Variants in IQGAP1 observed in about 807,000 individuals in gnomAD.
The protein encoded by IQGAP1 is ras GTPase-activating-like protein IQGAP1.
IQGAP1 carries 66 observed loss-of-function variants against 215.6 expected under a neutral mutation model. The observed-to-expected ratio is 0.31, with a 90% CI of 0.25 to 0.38. IQGAP1 has a LOEUF of 0.38. Ranked by LOEUF, IQGAP1 falls within the 10% of genes least tolerant of loss-of-function variation. The pLI, the probability that IQGAP1 is intolerant of heterozygous loss-of-function variation, is 1.00. For synonymous variants in IQGAP1, 772 were observed against 728.7 expected, an observed-to-expected ratio of 1.06 and a Z score of -0.96; for missense variants, 1,712 against 1,997.1, an observed-to-expected ratio of 0.86 and a Z score of 2.72.
At chr15:90,491,312 A>C in intron 33 of IQGAP1, 21 bp from the exon 34 acceptor site, 1 of 1,606,464 alleles carries the variant, frequency 6.2e-7, no homozygotes, top group South Asian at 1.1e-5. Context: ...CTTGCTAAGA[A>C]CTTCTTTTTC....
Position 90,474,141 on chromosome 15 carries a change from A to G in IQGAP1, c.2575+8A>G. The stretch of plus-strand genomic sequence containing the variant: ...ATGACTACAAGACTCTCAGTGAGTA[A>G]CTGGCTCCGCATGAAGAGTTGAGGC... On this transcript the variant is annotated splice_region_variant and intron_variant, in intron 22 of 37. Coordinates refer to ENST00000268182, the MANE Select transcript of IQGAP1 (RefSeq NM_003870.4). 6.2e-7 allele frequency: 1 copy of G among 1,606,432 alleles called. No homozygotes were observed. The highest frequency in any genetic ancestry group is 1.3e-5 in the African/African-American group (1 of 74,590).
chr15:90,487,689 G>T, intron 33 of IQGAP1, 107 bp downstream of exon 33: 1 of 750,776 alleles, frequency 1.3e-6, no homozygotes, highest in Non-Finnish European at 2.2e-6. Flanking sequence ...GTAGCCTAGG[G>T]GTGAGCATGA....
chr15:90,408,312 GT>G (rs1325381377), intron 2 of IQGAP1, among the ~76,000 whole-genome samples: 2 of 152,070 alleles, frequency 1.3e-5, no homozygotes, highest in Non-Finnish European at 2.9e-5. Flanking sequence ...GTAATTTTCT[GT>G]TTTGGTTTTT....
intron 28 of IQGAP1, among the ~76,000 whole-genome samples, chr15:90,482,546 C>T (rs1358329415): frequency 6.6e-6 from 1 of 152,282 alleles, no homozygotes; most frequent in Non-Finnish European, 1.5e-5. Flanking sequence ...CCTATCTTTT[C>T]GCTGTAGTAT....
Position 90,448,710 on chromosome 15 carries a change from C to T in IQGAP1, c.1051C>T (p.Leu351=). Reference sequence around the variant, plus strand: ...TAGCGACTGGTACTTGAAGCAGCTCCTGAGTGATAAACAGCAGAAGAGACA... The same window carrying T: ...TAGCGACTGGTACTTGAAGCAGCTCTTGAGTGATAAACAGCAGAAGAGACA... ...QNSDWYLKQL[L]SDKQQKRQSG... Residue 351 remains leucine (L), a synonymous_variant, in exon 10 of 38, where the codon CTG becomes TTG. Transcript: ENST00000268182. The T allele has an allele frequency of 6.2e-7, 1 of 1,604,268 alleles. No homozygotes were observed. The highest frequency in any genetic ancestry group is 8.5e-7 in the Non-Finnish European group (1 of 1,176,106).
Position 90,454,502 on chromosome 15 carries a change from T to C in IQGAP1, c.1562T>C (p.Ile521Thr), listed in dbSNP as rs1596274660. The C allele has an allele frequency of 1.2e-6, 2 of 1,611,044 alleles. No individual in the cohort carries two copies. The highest frequency in any genetic ancestry group is 8.5e-7 in the Non-Finnish European group (1 of 1,178,852). ...ENNEFITWND[I>T]QACVDHVNLV... ...AATGAATTCATTACATGGAATGATA[T>C]CCAAGCTTGCGTGGACCATGTGAAC... Residue 521 changes from isoleucine (I) to threonine (T), a missense_variant, in exon 14 of 38, where the codon ATC becomes ACC. By Grantham distance (89) the Ile-to-Thr change is moderately conservative. Transcript: ENST00000268182.
chr15:90,487,828 A>G (rs1026026336), intron 33 of IQGAP1, among the ~76,000 whole-genome samples: 2 of 152,120 alleles, frequency 1.3e-5, no homozygotes, highest in African/African-American at 4.8e-5. Flanking sequence ...CATCCCGTAT[A>G]TCCATCCCTT....
chr15:90,443,862 G>A (rs1210629775), intron 9 of IQGAP1, among the ~76,000 whole-genome samples: 2 of 152,006 alleles, frequency 1.3e-5, no homozygotes, highest in Non-Finnish European at 2.9e-5. Flanking sequence ...TCAGAAGTTC[G>A]AGACCAGCCT....
intron 26 of IQGAP1, among the ~76,000 whole-genome samples, chr15:90,478,219 G>A (rs1181877435): frequency 6.6e-6 from 1 of 152,128 alleles, no homozygotes; most frequent in East Asian, 1.9e-4. Context: ...TCGAACTCCT[G>A]ACCTCAGGCA....
At chr15:90,427,664 C>G (rs1965243306) in intron 3 of IQGAP1, among the ~76,000 whole-genome samples, 1 of 152,006 alleles carries the variant, frequency 6.6e-6, no homozygotes, top group Non-Finnish European at 1.5e-5. Flanking sequence ...CACTTGAACC[C>G]AGGAGGCGGG....
chr15:90,487,631 C>G (rs752924350), intron 33 of IQGAP1, 49 bp downstream of exon 33: 30 of 1,246,344 alleles, frequency 2.4e-5, no homozygotes, highest in Non-Finnish European at 3.5e-6. Flanking sequence ...ATAAGCTCTC[C>G]CGATAGGCGC....
In IQGAP1 at chr15:90,491,278, C is replaced by G; in HGVS notation, c.4249-55C>G. The G allele has an allele frequency of 2.8e-6, 4 of 1,451,494 alleles. No individual in the cohort carries two copies. In the South Asian group the frequency reaches 4.6e-5, roughly 17 times the overall value. The allele number at this position is 1,451,494 out of a possible 1,614,324, so 89.9% of individuals were successfully genotyped here. A position where few individuals can be genotyped will look rare whatever the true frequency, so the allele number is the denominator to read the frequency against. On this transcript the variant is annotated intron_variant, in intron 33 of 37. Coordinates refer to ENST00000268182, the MANE Select transcript of IQGAP1 (RefSeq NM_003870.4). ...CAGGTGCAAATGTGCTATATAAATT[C>G]AAGTTTAGGATTAGTGTGGTAAACT... is the stretch of plus-strand genomic sequence containing the variant.
chr15:90,467,022 G>T lies in IQGAP1; in HGVS notation c.2036-428G>T, dbSNP rs1010625263. Among the ~76,000 whole-genome samples the T allele has an allele frequency of 2.0e-5, 3 of 152,290 alleles. No individual in the cohort carries two copies. In the East Asian group the frequency reaches 5.8e-4, roughly 29 times the overall value. On this transcript the variant is annotated intron_variant, in intron 17 of 37. Transcript: ENST00000268182. ...CCGGAGAATCGCCTGAACCCGGGAGGCAGAGGCTGCCGTGAGCCAAGATCA... is the reference window on the plus strand; with the variant it reads ...CCGGAGAATCGCCTGAACCCGGGAGTCAGAGGCTGCCGTGAGCCAAGATCA...
chr15:90,416,973 A>AT (rs1332613559), intron 2 of IQGAP1, among the ~76,000 whole-genome samples: 1 of 151,916 alleles, frequency 6.6e-6, no homozygotes, highest in Non-Finnish European at 1.5e-5. Context: ...AGTGATGACC[A>AT]TTTTTTCATG....
At chr15:90,445,351 A>T (rs1200875841) in intron 9 of IQGAP1, among the ~76,000 whole-genome samples, 1 of 152,008 alleles carries the variant, frequency 6.6e-6, no homozygotes, top group African/African-American at 2.4e-5. Flanking sequence ...CCCTACTGTA[A>T]TGCCTTCATG....
At chr15:90,425,709 T>C (rs1965211879) in intron 2 of IQGAP1, among the ~76,000 whole-genome samples, 1 of 152,228 alleles carries the variant, frequency 6.6e-6, no homozygotes, top group South Asian at 2.1e-4. Context: ...TGGAAGAGAA[T>C]GTCAGCAACA....
chr15:90,449,823 G>T (rs1015175402), intron 11 of IQGAP1, among the ~76,000 whole-genome samples, 180 bp downstream of exon 11: 2 of 152,156 alleles, frequency 1.3e-5, no homozygotes, highest in Non-Finnish European at 2.9e-5. Context: ...TTTAATTGCT[G>T]TGTAATAGTT....
rs755664966 is a variant in IQGAP1 at position 90,500,782 on chromosome 15, G to A, written c.*674G>A. ...GGCAATTCTGTTTGTGTAACTCCCC[G>A]ACTAGTGGATGGGAGAGTCCCATTG... On this transcript the variant is annotated 3_prime_UTR_variant, in exon 38 of 38. Coordinates refer to ENST00000268182, the MANE Select transcript of IQGAP1 (RefSeq NM_003870.4). 1.3e-5 allele frequency: 2 copies of A among 152,342 alleles called. No individual in the cohort carries two copies. The highest frequency in any genetic ancestry group is 2.9e-5 in the Non-Finnish European group (2 of 68,024). The allele number at this position is 152,342 out of a possible 1,614,324, so 9.4% of individuals were successfully genotyped here.
In IQGAP1 at chr15:90,487,080, T is replaced by C; in HGVS notation, c.4151T>C (p.Ile1384Thr). ...AATGCAGAAATGGATGCTCGAACCA[T>C]CTTACTGAAGTGAGTATCAAAAGAA... ...DENAEMDARTILLNTKRLIVD... is the reference protein window; with the variant it reads ...DENAEMDARTTLLNTKRLIVD... Residue 1384 changes from isoleucine (I) to threonine (T), a missense_variant, in exon 32 of 38, where the codon ATC becomes ACC. By Grantham distance (89) the Ile-to-Thr change is moderately conservative (BLOSUM62 -1). Around this residue, in one of 2 missense-constraint regions of IQGAP1, gnomAD observed 691 missense variants for 923.0 expected, o/e 0.75. Transcript: ENST00000268182. The C allele has an allele frequency of 6.2e-7, 1 of 1,614,084 alleles. No individual in the cohort carries two copies. Among genetic ancestry groups the C allele is most frequent in the Non-Finnish European group, 8.5e-7 (1 of 1,179,972 alleles).
Sources: allele counts gnomAD v4.1 joint callset (sites outside exome capture counted in the v4.1 genomes callset), GRCh38; gene constraint gnomAD v4.1.1; regional missense constraint gnomAD v4.1.1; transcripts MANE v1.5; gene names NCBI Gene and HGNC (gene_info 2026-07-23, HGNC 2026-07-21).